The following CDH12 variants were observed in gnomAD, a reference collection of about 807,000 sequenced individuals.
CDH12 encodes cadherin-12.
In CDH12, 41 loss-of-function variants were observed where a neutral mutation model predicts 74.1. The observed-to-expected ratio is 0.55, with a 90% CI of 0.43 to 0.72. The LOEUF is 0.72. CDH12 is among the 30% of genes least tolerant of loss of function. The probability of loss-of-function intolerance (pLI) is 0.00; values close to 1 mark genes in which losing one functional copy is unlikely to be tolerated. For missense variants in CDH12, 945 were observed against 977.2 expected (o/e 0.97, Z 0.44); for synonymous variants, 399 against 355.0 (o/e 1.12, Z -1.39).
intron 4 of CDH12, among the ~76,000 whole-genome samples, chr5:22,112,415 C>G (rs1003387412): frequency 6.6e-6 from 1 of 152,150 alleles, no homozygotes; most frequent in Non-Finnish European, 1.5e-5. Context: ...TTTGGCCACA[C>G]TTGCCACATA....
At chr5:22,238,600 T>C (rs1026876938) in intron 3 of CDH12, among the ~76,000 whole-genome samples, 1 of 152,208 alleles carries the variant, frequency 6.6e-6, no homozygotes, top group Non-Finnish European at 1.5e-5. Flanking sequence ...AATGATTTTT[T>C]CCTTGTCAGT....
chr5:22,328,286 T>C (rs1457804537), intron 3 of CDH12, among the ~76,000 whole-genome samples: 1 of 152,242 alleles, frequency 6.6e-6, no homozygotes, highest in African/African-American at 2.4e-5. Context: ...TATTGTCAAA[T>C]TGCTTCATTT....
At position 22,224,449 on chromosome 5, in the gene CDH12, G is replaced by T. The variant is rs541422433; in HGVS notation, c.-332-11806C>A. 3.3e-3 allele frequency among the ~76,000 whole-genome samples: 508 copies of T among 152,104 alleles called. 2 individuals are homozygous for T. Among genetic ancestry groups the T allele is most frequent in the Non-Finnish European group, 6.2e-3 (422 of 67,946 alleles). On this transcript the variant is annotated intron_variant, in intron 3 of 14. Coordinates refer to ENST00000382254, the MANE Select transcript of CDH12 (RefSeq NM_004061.5). ...ATAATAATTTTAAAAACGATAAACT[G>T]ATCCCCCATTGTTCTGTTCTTTTGT...
In CDH12 at chr5:22,684,552, A is replaced by G. The variant is rs1302604553; in HGVS notation, c.-523+168506T>C. 2.6e-5 allele frequency among the ~76,000 whole-genome samples: 4 copies of G among 152,204 alleles called. No homozygotes were observed. The East Asian group carries it at 7.7e-4, about 29-fold the overall frequency. On this transcript the variant is annotated intron_variant, in intron 1 of 14. Coordinates refer to ENST00000382254, the MANE Select transcript of CDH12 (RefSeq NM_004061.5). ...TATGCCATTACCAGCTAAATAACATAATTCCAGGTAAAGCATAAAAGATGG... is the reference window on the plus strand; with the variant it reads ...TATGCCATTACCAGCTAAATAACATGATTCCAGGTAAAGCATAAAAGATGG...
At chr5:21,872,900 T>TCTATCTATCTATCTATCTAC (rs1554039690) in intron 6 of CDH12, among the ~76,000 whole-genome samples, 47 of 151,720 alleles carry the variant, frequency 3.1e-4, no homozygotes, top group Non-Finnish European at 4.9e-4. Context: ...CATCCATCTA[T>TCTATCTATCTATCTATCTAC]CTATCTATCT....
At chr5:22,617,850 TATG>T (rs1737766131) in intron 1 of CDH12, among the ~76,000 whole-genome samples, 1 of 152,170 alleles carries the variant, frequency 6.6e-6, no homozygotes, top group African/African-American at 2.4e-5. Context: ...TGCCCAATGG[TATG>T]ATTTTACACC....
At chr5:22,606,097 C>G (rs183688693) in intron 1 of CDH12, among the ~76,000 whole-genome samples, 3 of 152,300 alleles carry the variant, frequency 2.0e-5, no homozygotes, top group African/African-American at 7.2e-5. Flanking sequence ...GAGGAAGGAA[C>G]CCCACCACTG....
At chr5:22,630,884 T>G (rs1383504332) in intron 1 of CDH12, among the ~76,000 whole-genome samples, 1 of 152,100 alleles carries the variant, frequency 6.6e-6, no homozygotes, top group African/African-American at 2.4e-5. Flanking sequence ...TTGCAAATTA[T>G]GCATCCAACA....
intron 6 of CDH12, among the ~76,000 whole-genome samples, chr5:21,944,526 T>G (rs191126805): frequency 0.015 from 2,353 of 152,280 alleles, 34 homozygotes; most frequent in Non-Finnish European, 0.024. Context: ...AGTGTTGCCA[T>G]GTAAAATTTA....
intron 6 of CDH12, among the ~76,000 whole-genome samples, chr5:21,917,230 G>A (rs1246206483): frequency 1.3e-5 from 2 of 152,138 alleles, no homozygotes; most frequent in South Asian, 2.1e-4. Flanking sequence ...GAGCTGGCAC[G>A]TGGCACCAAT....
At chr5:22,159,083 T>C (rs1435960515) in intron 4 of CDH12, among the ~76,000 whole-genome samples, 10 of 152,080 alleles carry the variant, frequency 6.6e-5, no homozygotes, top group Admixed American at 6.6e-4. Context: ...GTAGACTTTA[T>C]AGCAGTGGTG....
chr5:22,559,707 C>A (rs1048055443), intron 1 of CDH12, among the ~76,000 whole-genome samples: 1 of 152,058 alleles, frequency 6.6e-6, no homozygotes, highest in African/African-American at 2.4e-5. Context: ...ACAGCTGGGT[C>A]TATAATCACA....
At chr5:22,288,079 A>C (rs1025761917) in intron 3 of CDH12, among the ~76,000 whole-genome samples, 18 of 152,146 alleles carry the variant, frequency 1.2e-4, no homozygotes, top group Non-Finnish European at 1.0e-4. Flanking sequence ...ATATAATGTC[A>C]TATTTTAAAG....
At chr5:21,898,595 G>A (rs1053886095) in intron 6 of CDH12, among the ~76,000 whole-genome samples, 16 of 151,954 alleles carry the variant, frequency 1.1e-4, no homozygotes, top group South Asian at 2.1e-4. Context: ...CCAGCTACTC[G>A]GGAGGCTGAG....
chr5:22,811,767 G>C (rs1439973628), intron 1 of CDH12, among the ~76,000 whole-genome samples: 1 of 152,140 alleles, frequency 6.6e-6, no homozygotes, highest in Non-Finnish European at 1.5e-5. Flanking sequence ...GATAAGAGGA[G>C]AGAGAAACGG....
chr5:21,873,873 C>T (rs200984598), intron 6 of CDH12, among the ~76,000 whole-genome samples: 2 of 88 alleles, frequency 0.023, no homozygotes, highest in South Asian at 0.25. Context: ...TGAGAACATG[C>T]GGTTACTTTT....
At chr5:22,029,442 AGTGGGCGAAG>A (rs1738650533) in intron 5 of CDH12, among the ~76,000 whole-genome samples, 1 of 151,926 alleles carries the variant, frequency 6.6e-6, no homozygotes, top group Non-Finnish European at 1.5e-5. Context: ...CCCATCAAAA[AGTGGGCGAAG>A]GATATGAACA....
intron 4 of CDH12, among the ~76,000 whole-genome samples, chr5:22,117,094 A>G (rs1171239276): frequency 2.0e-5 from 3 of 151,578 alleles, no homozygotes; most frequent in Admixed American, 6.6e-5. Context: ...GGAGTTCGTA[A>G]ACTCACTCAA....
chr5:21,762,377 A>C (rs1037773880), intron 12 of CDH12, among the ~76,000 whole-genome samples: 2 of 152,130 alleles, frequency 1.3e-5, no homozygotes, highest in Non-Finnish European at 2.9e-5. Flanking sequence ...GAATAAATAG[A>C]TGAAATGTAG....
Sources: allele counts gnomAD v4.1 joint callset (sites outside exome capture counted in the v4.1 genomes callset), GRCh38; gene constraint gnomAD v4.1.1; transcripts MANE v1.5; gene names NCBI Gene and HGNC (gene_info 2026-07-23, HGNC 2026-07-21).